The following RSBN1L variants were observed in gnomAD, a reference collection of about 807,000 sequenced individuals.
The protein encoded by RSBN1L is round spermatid basic protein 1 like.
Under a neutral mutation model 67.7 loss-of-function variants are expected in RSBN1L, and 30 were observed. The observed-to-expected ratio is 0.44, with a 90% CI of 0.33 to 0.60. The LOEUF (loss-of-function observed/expected upper bound fraction) is 0.60. RSBN1L is among the 20% of genes least tolerant of loss of function. The pLI, the probability that RSBN1L is intolerant of heterozygous loss-of-function variation, is 0.02. For missense variants in RSBN1L, 992 were observed against 1,031.7 expected, an observed-to-expected ratio of 0.96 and a Z score of 0.53; for synonymous variants, 433 against 387.0, an observed-to-expected ratio of 1.12 and a Z score of -1.39.
At position 77,778,538 on chromosome 7, in the gene RSBN1L, A is replaced by T; in HGVS notation, c.1911A>T (p.Gln637His). 1 of 1,610,866 alleles carries T rather than the reference A, an allele frequency of 6.2e-7. No individual in the cohort carries two copies. The highest frequency in any genetic ancestry group is 1.7e-5 in the Admixed American group (1 of 59,692). ...GTTTTATTATTTTTTAGTGTGTCCA[A>T]TGGGTTGATGATGCAAAACTGAATC... is the stretch of plus-strand genomic sequence containing the variant. ...LHEPPLSQCV[Q>H]WVDDAKLNQL... The change falls in exon 8 of 8, where the codon CAA (glutamine) becomes CAT (histidine). Residue 637 changes from glutamine to histidine, a missense_variant. By Grantham distance (24) the Gln-to-His change is conservative. Around this residue, in one of 7 missense-constraint regions of RSBN1L, gnomAD observed 55 missense variants for 112.8 expected, o/e 0.49. Transcript: ENST00000334955.
At chr7:77,705,343 A>G (rs917544412) in intron 1 of RSBN1L, among the ~76,000 whole-genome samples, 42 of 152,144 alleles carry the variant, frequency 2.8e-4, no homozygotes, top group African/African-American at 9.4e-4. Context: ...AAAGTTAACT[A>G]TAAAGACTTG....
At position 77,696,979 on chromosome 7, in the gene RSBN1L, G is replaced by A; in HGVS notation, c.510G>A (p.Arg170=). The A allele has an allele frequency of 6.4e-7, 1 of 1,554,534 alleles. No individual in the cohort carries two copies. The change falls in exon 1 of 8, where the codon AGG becomes AGA. Residue 170 remains arginine (R), a synonymous_variant. Transcript: ENST00000334955. ...PKEKREKERR[R]HGLGGAREAG... ...AGAAGCGGGAGAAGGAGAGGAGGAGGCACGGTCTCGGTGGGGCCCGAGAGG... is the reference window on the plus strand; with the variant it reads ...AGAAGCGGGAGAAGGAGAGGAGGAGACACGGTCTCGGTGGGGCCCGAGAGG...
At chr7:77,722,645 A>C (rs1791134820) in intron 1 of RSBN1L, among the ~76,000 whole-genome samples, 1 of 151,912 alleles carries the variant, frequency 6.6e-6, no homozygotes, top group African/African-American at 2.4e-5. Flanking sequence ...AATTGTAATC[A>C]TTTTGTAATG....
At chr7:77,703,173 A>T (rs1172922633) in intron 1 of RSBN1L, among the ~76,000 whole-genome samples, 1 of 152,110 alleles carries the variant, frequency 6.6e-6, no homozygotes, top group Non-Finnish European at 1.5e-5. Context: ...TCTGTGAGGG[A>T]TACCCCTCAT....
chr7:77,779,180 C>A lies in RSBN1L; in HGVS notation c.*12C>A. ...ACATTTTGTGCTAAATTTGCATATACCATCTAAAATCCTTTTTTAAAAAAA... is the reference window on the plus strand; with the variant it reads ...ACATTTTGTGCTAAATTTGCATATAACATCTAAAATCCTTTTTTAAAAAAA... On this transcript the variant is annotated 3_prime_UTR_variant, in exon 8 of 8. Coordinates refer to ENST00000334955, the MANE Select transcript of RSBN1L (RefSeq NM_198467.3). 1 of 1,542,742 alleles carries A rather than the reference C, an allele frequency of 6.5e-7. No individual in the cohort carries two copies. Among genetic ancestry groups the A allele is most frequent in the Non-Finnish European group, 8.7e-7 (1 of 1,146,216 alleles).
At chr7:77,777,623 A>G (rs1791934737) in intron 6 of RSBN1L, among the ~76,000 whole-genome samples, 1 of 152,002 alleles carries the variant, frequency 6.6e-6, no homozygotes, top group South Asian at 2.1e-4. Context: ...TATATAATGT[A>G]TTACATGATT....
intron 1 of RSBN1L, among the ~76,000 whole-genome samples, chr7:77,725,753 G>A (rs1258929400): frequency 6.6e-6 from 1 of 151,806 alleles, no homozygotes; most frequent in Non-Finnish European, 1.5e-5. Flanking sequence ...ACCATGCCCG[G>A]CTTATTTTGT....
intron 1 of RSBN1L, among the ~76,000 whole-genome samples, chr7:77,707,084 C>T (rs1163574345): frequency 2.0e-5 from 3 of 146,704 alleles, no homozygotes; most frequent in Admixed American, 6.9e-5. Context: ...AGTGCAGTGG[C>T]GCGATCTTGG....
rs182725692 is a variant in RSBN1L, at chr7:77,717,864, T to C, written c.587-18546T>C. Among the ~76,000 whole-genome samples, 226 of 152,126 alleles carry C rather than the reference T, an allele frequency of 1.5e-3. 1 individual carries two copies. Among genetic ancestry groups the C allele is most frequent in the Non-Finnish European group, 2.3e-3 (154 of 67,978 alleles). On this transcript the variant is annotated intron_variant, in intron 1 of 7. Transcript: ENST00000334955. ...GAAACCCTGTCTCTACTAAAAAATATATAAATTAGCTGGGCGTGGTGCTGT... is the reference window on the plus strand; with the variant it reads ...GAAACCCTGTCTCTACTAAAAAATACATAAATTAGCTGGGCGTGGTGCTGT...
intron 1 of RSBN1L, among the ~76,000 whole-genome samples, chr7:77,711,465 G>C (rs1379933204): frequency 6.6e-6 from 1 of 151,734 alleles, no homozygotes; most frequent in African/African-American, 2.4e-5. Context: ...CCAGCCTCCT[G>C]AGTAGCTAGG....
intron 2 of RSBN1L, among the ~76,000 whole-genome samples, chr7:77,747,404 G>A (rs1256895504): frequency 2.0e-5 from 3 of 152,232 alleles, no homozygotes; most frequent in Non-Finnish European, 4.4e-5. Flanking sequence ...TAGTAGGACT[G>A]AGTGGTTTCC....
intron 1 of RSBN1L, among the ~76,000 whole-genome samples, chr7:77,718,914 T>C (rs1428718418): frequency 2.0e-5 from 3 of 152,346 alleles, no homozygotes; most frequent in South Asian, 2.1e-4. Context: ...AAGATGACTT[T>C]ACTCACGTGC....
chr7:77,712,882 G>T (rs6966632), intron 1 of RSBN1L, among the ~76,000 whole-genome samples: 87,349 of 151,970 alleles, frequency 0.57, 26,984 homozygotes, highest in African/African-American at 0.81. Flanking sequence ...ATTATAGGGG[G>T]TAAGGGGAAA....
chr7:77,751,158 GT>G (rs1791551646), intron 3 of RSBN1L, among the ~76,000 whole-genome samples: 1 of 52,312 alleles, frequency 1.9e-5, no homozygotes, highest in East Asian at 3.0e-4. Context: ...GTGTTTTTTT[GT>G]TTTTTGTTTT....
At position 77,779,405 on chromosome 7, in the gene RSBN1L, C is replaced by T. The variant is rs1023379047; in HGVS notation, c.*237C>T. 5 of 234,500 alleles carry T rather than the reference C, an allele frequency of 2.1e-5. No homozygotes were observed. The highest frequency in any genetic ancestry group is 9.0e-5 in the East Asian group (1 of 11,148). 14.5% of individuals were successfully genotyped at this position (234,500 alleles called of 1,614,324 possible). A position where few individuals can be genotyped will look rare whatever the true frequency, so the allele number is the denominator to read the frequency against. On this transcript the variant is annotated 3_prime_UTR_variant, in exon 8 of 8. Transcript: ENST00000334955. ...GGAGTCTTTAAAAAAAAATCATTTA[C>T]GTTGGAATTTTAGGTTTTAGAATAG...
At chr7:77,714,894 C>T (rs1385321831) in intron 1 of RSBN1L, among the ~76,000 whole-genome samples, 3 of 144,382 alleles carry the variant, frequency 2.1e-5, no homozygotes, top group South Asian at 2.2e-4. Flanking sequence ...ATCCGGGAGG[C>T]GGAGCTTGCA....
At chr7:77,710,908 A>G (rs1300862146) in intron 1 of RSBN1L, among the ~76,000 whole-genome samples, 2 of 152,070 alleles carry the variant, frequency 1.3e-5, no homozygotes, top group East Asian at 1.9e-4. Context: ...CCTTCATTTT[A>G]GTAACTCGTT....
intron 1 of RSBN1L, among the ~76,000 whole-genome samples, chr7:77,712,807 G>A (rs1562794851): frequency 3.9e-5 from 1 of 25,886 alleles, no homozygotes; most frequent in African/African-American, 2.8e-4. Context: ...TGTAAATGAT[G>A]CTAAAATAAA....
At chr7:77,717,270 G>T (rs1438203486) in intron 1 of RSBN1L, among the ~76,000 whole-genome samples, 3 of 152,116 alleles carry the variant, frequency 2.0e-5, no homozygotes, top group Non-Finnish European at 2.9e-5. Context: ...TATCGTCTTA[G>T]AGATTTTTAT....
Sources: allele counts gnomAD v4.1 joint callset (sites outside exome capture counted in the v4.1 genomes callset), GRCh38; gene constraint gnomAD v4.1.1; regional missense constraint gnomAD v4.1.1; transcripts MANE v1.5; gene names NCBI Gene and HGNC (gene_info 2026-07-23, HGNC 2026-07-21).